The following SCN9A variants were observed in gnomAD, a reference collection of about 807,000 sequenced individuals.
SCN9A encodes the protein sodium channel protein type 9 subunit alpha.
In SCN9A, 131 loss-of-function variants were observed where a neutral mutation model predicts 187.0. The observed-to-expected ratio is 0.70, with a 90% CI of 0.61 to 0.81. The LOEUF is 0.81. Among genes scored for constraint, SCN9A ranks in the 30% least tolerant of loss-of-function variants. The pLI is 0.00. For synonymous variants in SCN9A, 809 were observed against 808.6 expected (o/e 1.00, Z -0.01); for missense variants, 2,252 against 2,396.6 (o/e 0.94, Z 1.26).
rs1280453421 is a variant in SCN9A at position 166,301,237 on chromosome 2, T to C, written c.901+1853A>G. 2.0e-5 allele frequency: 3 copies of C among 150,860 alleles called. No individual in the cohort carries two copies. In the East Asian group the frequency reaches 5.8e-4, roughly 29 times the overall value. 9.3% of individuals were successfully genotyped at this position (150,860 alleles called of 1,614,324 possible). A position where few individuals can be genotyped will look rare whatever the true frequency, so the allele number is the denominator to read the frequency against. On this transcript the variant is annotated intron_variant, in intron 7 of 26. Coordinates refer to ENST00000642356, the MANE Select transcript of SCN9A (RefSeq NM_001365536.1). ...GTACATAGAGAATTGCAATCTAACT[T>C]CATATGTAAACAAATTGCATTCTAA... is the stretch of plus-strand genomic sequence containing the variant.
In SCN9A at chr2:166,312,987, A is replaced by G. The variant is rs13411967; in HGVS notation, c.-50-1181T>C. Among the ~76,000 whole-genome samples, 407 of 92,378 alleles carry G rather than the reference A, an allele frequency of 4.4e-3. 6 individuals are homozygous for G. Among genetic ancestry groups the G allele is most frequent in the Middle Eastern group, 9.9e-3 (2 of 202 alleles). The allele number at this position is 92,378 out of a possible 152,430, so 60.6% of individuals were successfully genotyped here. ...ATTTTCTGAATGATTAAATAATATAATTATTATTTAATTTTCTGAATAATT... is the reference window on the plus strand; with the variant it reads ...ATTTTCTGAATGATTAAATAATATAGTTATTATTTAATTTTCTGAATAATT... On this transcript the variant is annotated intron_variant, in intron 1 of 26. Transcript: ENST00000642356.
chr2:166,205,831 A>G (rs1262040842), intron 24 of SCN9A, among the ~76,000 whole-genome samples: 2 of 152,138 alleles, frequency 1.3e-5, no homozygotes, highest in East Asian at 3.8e-4. Flanking sequence ...AAAACAAACA[A>G]CTCCATCAAA....
chr2:166,240,290 G>A (rs1432648410), intron 19 of SCN9A, among the ~76,000 whole-genome samples: 1 of 152,154 alleles, frequency 6.6e-6, no homozygotes, highest in Non-Finnish European at 1.5e-5. Context: ...TTTTAGGTTT[G>A]AGGGTACATG....
At chr2:166,209,104 G>C (rs1203643002) in intron 24 of SCN9A, among the ~76,000 whole-genome samples, 1 of 152,154 alleles carries the variant, frequency 6.6e-6, no homozygotes. Context: ...AGCTGTTTGA[G>C]AGACTCTCAG....
intron 1 of SCN9A, among the ~76,000 whole-genome samples, chr2:166,343,452 T>G (rs974124231): frequency 7.2e-5 from 11 of 152,186 alleles, no homozygotes; most frequent in Non-Finnish European, 1.3e-4. Context: ...CTATACATCA[T>G]CTCAAAGTCA....
intron 18 of SCN9A, among the ~76,000 whole-genome samples, chr2:166,249,726 C>T (rs965125310): frequency 1.9e-4 from 29 of 152,050 alleles, no homozygotes; most frequent in Admixed American, 4.6e-4. Flanking sequence ...CTTATTATAA[C>T]AGCACCTACA....
intron 2 of SCN9A, among the ~76,000 whole-genome samples, chr2:166,309,275 G>T (rs1466830311): frequency 6.6e-6 from 1 of 152,086 alleles, no homozygotes; most frequent in African/African-American, 2.4e-5. Flanking sequence ...TTAATAAAAA[G>T]AATTGTTGGT....
intron 22 of SCN9A, 116 bp from the exon 23 acceptor site, chr2:166,227,839 G>C: frequency 3.0e-6 from 2 of 675,888 alleles, no homozygotes; most frequent in Middle Eastern, 3.0e-4. Context: ...AGTAAGTTTT[G>C]CTGTATTCAA....
In SCN9A at chr2:166,286,230, A is replaced by C. The variant is rs137966389; in HGVS notation, c.1602+106T>G. On this transcript the variant is annotated intron_variant, in intron 11 of 26. Coordinates refer to ENST00000642356, the MANE Select transcript of SCN9A (RefSeq NM_001365536.1). ...CTAGGTTTTTACCTAAAATCATACC[A>C]ATGAAATCACTCACTATCCTCTCCC... The C allele has an allele frequency of 3.9e-5, 42 of 1,069,172 alleles. No individual in the cohort carries two copies. The African/African-American group carries it at 6.5e-4, about 17-fold the overall frequency. 66.2% of individuals were successfully genotyped at this position (1,069,172 alleles called of 1,614,324 possible). A position where few individuals can be genotyped will look rare whatever the true frequency, so the allele number is the denominator to read the frequency against.
At chr2:166,319,959 A>G (rs1307357291) in intron 1 of SCN9A, among the ~76,000 whole-genome samples, 1 of 152,132 alleles carries the variant, frequency 6.6e-6, no homozygotes, top group Non-Finnish European at 1.5e-5. Flanking sequence ...TCCAACCCAT[A>G]GAATTACTTA....
At chr2:166,221,941 T>C (rs773727425) in intron 24 of SCN9A, among the ~76,000 whole-genome samples, 2 of 152,170 alleles carry the variant, frequency 1.3e-5, no homozygotes, top group Non-Finnish European at 2.9e-5. Flanking sequence ...TGAATTCTTA[T>C]ATTATACCAT....
At chr2:166,359,072 A>G (rs541131406) in intron 1 of SCN9A, among the ~76,000 whole-genome samples, 22 of 152,206 alleles carry the variant, frequency 1.4e-4, no homozygotes, top group Non-Finnish European at 2.8e-4. Flanking sequence ...AACTATGTCT[A>G]TTTCTGGATA....
In SCN9A at chr2:166,301,969, G is replaced by A. The variant is rs1239498589; in HGVS notation, c.901+1121C>T. The A allele has an allele frequency of 2.7e-5, 4 of 150,758 alleles. 1 individual carries two copies. Among genetic ancestry groups the A allele is most frequent in the African/African-American group, 7.5e-5 (3 of 40,196 alleles). 9.3% of individuals were successfully genotyped at this position (150,758 alleles called of 1,614,324 possible). A position where few individuals can be genotyped will look rare whatever the true frequency, so the allele number is the denominator to read the frequency against. On this transcript the variant is annotated intron_variant, in intron 7 of 26. Transcript: ENST00000642356. ...ATTTTTTTCTGTCATTTTATTTATA[G>A]TCTTTTACCATGTGGGCTAGGTGTT...
intron 1 of SCN9A, among the ~76,000 whole-genome samples, chr2:166,338,232 C>T (rs886202577): frequency 1.1e-4 from 17 of 152,092 alleles, no homozygotes; most frequent in African/African-American, 4.1e-4. Context: ...GAACCCTTAT[C>T]AATTGTAACA....
intron 1 of SCN9A, among the ~76,000 whole-genome samples, chr2:166,365,080 T>G (rs1700382620): frequency 6.6e-6 from 1 of 152,170 alleles, no homozygotes; most frequent in Non-Finnish European, 1.5e-5. Context: ...AATATTACTG[T>G]ACTCCCACCA....
chr2:166,305,207 T>C (rs1698714491), intron 5 of SCN9A, among the ~76,000 whole-genome samples: 1 of 152,072 alleles, frequency 6.6e-6, no homozygotes, highest in Admixed American at 6.6e-5. Flanking sequence ...AATCCATTTT[T>C]CTGATAAATA....
At position 166,272,640 on chromosome 2, in the gene SCN9A, T is replaced by C. The variant is rs1035832337; in HGVS notation, c.3110A>G (p.Tyr1037Cys). 1.2e-6 allele frequency: 2 copies of C among 1,613,212 alleles called. No homozygotes were observed. The highest frequency in any genetic ancestry group is 8.5e-7 in the Non-Finnish European group (1 of 1,179,630). Reference protein sequence around the residue: ...AEDLNTKKENYISNHTLAEMS... With the variant: ...AEDLNTKKENCISNHTLAEMS... ...TTCAGCAAGTGTATGGTTAGAAATA[T>C]AGTTTTCCTTCTTAGTATTCAGATC... Residue 1037 changes from tyrosine to cysteine, a missense_variant, in exon 17 of 27, where the codon TAT (tyrosine) becomes TGT (cysteine). This residue lies in a region of SCN9A where 313 missense variants were observed against 295.3 expected (regional missense o/e 1.06). Coordinates refer to ENST00000642356, the MANE Select transcript of SCN9A (RefSeq NM_001365536.1).
intron 7 of SCN9A, among the ~76,000 whole-genome samples, chr2:166,300,162 T>C (rs2106516858): frequency 6.6e-6 from 1 of 151,018 alleles, no homozygotes; most frequent in Middle Eastern, 3.4e-3. Context: ...GCATTTAAAA[T>C]AAAATACAAA....
chr2:166,238,177 C>T lies in SCN9A; in HGVS notation c.3718G>A (p.Glu1240Lys). 1 of 1,608,596 alleles carries T rather than the reference C, an allele frequency of 6.2e-7. No homozygotes were observed. The change falls in exon 20 of 27, where the codon GAA becomes AAA. Residue 1240 changes from glutamate (E) to lysine (K), a missense_variant. This residue lies in a region of SCN9A where 313 missense variants were observed against 295.3 expected (regional missense o/e 1.06). Coordinates refer to ENST00000642356, the MANE Select transcript of SCN9A (RefSeq NM_001365536.1). ...DKIFTYIFILEMLLKWIAYGY... is the reference protein window; with the variant it reads ...DKIFTYIFILKMLLKWIAYGY... ...TATGCTATCCATTTTAGAAGCATTT[C>T]CAGAATGAAGATGTAAGTGAAGATC...
Sources: gnomAD v4.1 joint callset for allele counts (sites outside exome capture counted in the v4.1 genomes callset) on GRCh38, gnomAD v4.1.1 for gene constraint, gnomAD v4.1.1 regional missense constraint, MANE v1.5 for transcripts, NCBI Gene and HGNC (gene_info 2026-07-23, HGNC 2026-07-21) for gene names.